The following GNB1L variants were observed in gnomAD, a reference collection of about 807,000 sequenced individuals.
GNB1L encodes G protein subunit beta 1 like.
Under a neutral mutation model 29.1 loss-of-function variants are expected in GNB1L, and 20 were observed. The observed-to-expected ratio is 0.69, with a 90% confidence interval of 0.48 to 1.00. GNB1L has a LOEUF of 1.00. Among genes scored for constraint, GNB1L ranks in the 50% least tolerant of loss-of-function variants. GNB1L has a pLI of 0.00. For missense variants in GNB1L, 421 were observed against 464.9 expected, an observed-to-expected ratio of 0.91 and a Z score of 0.87; for synonymous variants, 193 against 206.5, an observed-to-expected ratio of 0.93 and a Z score of 0.56.
At chr22:19,851,543 G>GTGGCCA in intron 2 of GNB1L, 1 of 1,613,636 alleles carries the variant, frequency 6.2e-7, no homozygotes, top group South Asian at 1.1e-5. Context: ...CACAGCAGGG[G>GTGGCCA]TGGCCATGGC....
rs1298682523 is a variant in GNB1L, at chr22:19,785,864, G to A, written c.*2845C>T. 2 of 152,348 alleles carry A rather than the reference G, an allele frequency of 1.3e-5. No homozygotes were observed. Among genetic ancestry groups the A allele is most frequent in the African/African-American group, 4.8e-5 (2 of 41,458 alleles). 9.4% of individuals were successfully genotyped at this position (152,348 alleles called of 1,614,324 possible). A position where few individuals can be genotyped will look rare whatever the true frequency, so the allele number is the denominator to read the frequency against. ...TCTTCTTCTGTTGTGGGGGTTTCAAGGCTGGTCAGACGCATGGTGATTCAT... is the reference window on the plus strand; with the variant it reads ...TCTTCTTCTGTTGTGGGGGTTTCAAAGCTGGTCAGACGCATGGTGATTCAT... On this transcript the variant is annotated 3_prime_UTR_variant, in exon 8 of 8. Coordinates refer to ENST00000329517, the MANE Select transcript of GNB1L (RefSeq NM_053004.3). This position sits in a 1 kb window ranked among gnomAD's most constrained non-coding sequence, Gnocchi z 4.1.
At chr22:19,815,396 C>T (rs949388383) in intron 4 of GNB1L, among the ~76,000 whole-genome samples, 1 of 152,164 alleles carries the variant, frequency 6.6e-6, no homozygotes, top group Non-Finnish European at 1.5e-5. Flanking sequence ...ACGTGCACAG[C>T]CCCCGTGGCT....
At chr22:19,799,916 C>T (rs995620807) in intron 7 of GNB1L, among the ~76,000 whole-genome samples, 1 of 152,250 alleles carries the variant, frequency 6.6e-6, no homozygotes, top group African/African-American at 2.4e-5. Context: ...GGTGGCGCAT[C>T]AGCCTCTCCG....
intron 6 of GNB1L, among the ~76,000 whole-genome samples, chr22:19,802,802 G>A (rs1409374609): frequency 1.3e-5 from 2 of 152,248 alleles, no homozygotes; most frequent in African/African-American, 2.4e-5. Flanking sequence ...GAAGCCTGGC[G>A]TGAGCCGCCC....
At chr22:19,802,244 C>T (rs926942416) in intron 6 of GNB1L, 28 bp from the exon 7 acceptor site, 1 of 1,574,364 alleles carries the variant, frequency 6.4e-7, no homozygotes, top group Non-Finnish European at 8.7e-7. Context: ...GCAGTCAGCT[C>T]CTGGAAGGAC....
Position 19,847,338 on chromosome 22 carries a change from C to T in GNB1L, c.-21+7105G>A, listed in dbSNP as rs1326554064. The T allele has an allele frequency of 3.0e-6, 3 of 985,336 alleles. No homozygotes were observed. In the African/African-American group the frequency reaches 5.2e-5, roughly 17 times the overall value. 61.0% of individuals were successfully genotyped at this position (985,336 alleles called of 1,614,324 possible). A position where few individuals can be genotyped will look rare whatever the true frequency, so the allele number is the denominator to read the frequency against. On this transcript the variant is annotated intron_variant, in intron 2 of 7. Coordinates refer to ENST00000329517, the MANE Select transcript of GNB1L (RefSeq NM_053004.3). ...CATGCTGACTGATCCTGCAGGGTAA[C>T]AGCTTTATTTGCCTTGCTCCTTTAT...
chr22:19,840,323 G>C (rs569238309), intron 2 of GNB1L, among the ~76,000 whole-genome samples: 5 of 152,304 alleles, frequency 3.3e-5, no homozygotes, highest in African/African-American at 1.2e-4. Flanking sequence ...CCATCAAGGA[G>C]GAGTAGATAA....
At chr22:19,850,762 G>C (rs1005030561) in intron 2 of GNB1L, 7 of 1,249,510 alleles carry the variant, frequency 5.6e-6, no homozygotes, top group Non-Finnish European at 7.0e-6. Flanking sequence ...CAACAGGGCA[G>C]ACGTGGCAGA....
intron 7 of GNB1L, chr22:19,792,404 G>A (rs2145860439): frequency 6.7e-7 from 1 of 1,502,480 alleles, no homozygotes; most frequent in Admixed American, 1.7e-5. Context: ...AAAGGCCTAA[G>A]AATTTTGGCA....
rs1601333351 is a variant in GNB1L, at chr22:19,816,316, T to A, written c.255-3869A>T. On this transcript the variant is annotated intron_variant, in intron 4 of 7. Coordinates refer to ENST00000329517, the MANE Select transcript of GNB1L (RefSeq NM_053004.3). This position sits in a 1 kb window ranked among gnomAD's most constrained non-coding sequence, Gnocchi z 4.4. ...GATCGCCTGGTCAGGACCCATAGTT[T>A]TCAAAGGCTCATCATCCCTAATTCT... 6.6e-6 allele frequency among the ~76,000 whole-genome samples: 1 copy of A among 152,194 alleles called. No individual in the cohort carries two copies. Among genetic ancestry groups the A allele is most frequent in the South Asian group, 2.1e-4 (1 of 4,826 alleles).
intron 2 of GNB1L, among the ~76,000 whole-genome samples, chr22:19,834,775 A>G (rs1844691744): frequency 6.6e-6 from 1 of 152,154 alleles, no homozygotes. Context: ...AGAGGACAGG[A>G]AAGAGGGGAT....
At chr22:19,839,988 G>A (rs956751168) in intron 2 of GNB1L, among the ~76,000 whole-genome samples, 14 of 151,564 alleles carry the variant, frequency 9.2e-5, no homozygotes, top group South Asian at 2.1e-4. Flanking sequence ...ACTTGAGCCC[G>A]TGGAGTTTGA....
At chr22:19,805,677 G>A (rs1329147150) in intron 6 of GNB1L, among the ~76,000 whole-genome samples, 1 of 152,200 alleles carries the variant, frequency 6.6e-6, no homozygotes, top group East Asian at 1.9e-4. Context: ...AGCTACTCAG[G>A]AGGCTGAGGC....
chr22:19,793,441 G>A (rs1014944405), intron 7 of GNB1L, among the ~76,000 whole-genome samples: 10 of 152,282 alleles, frequency 6.6e-5, no homozygotes, highest in African/African-American at 2.4e-4. Flanking sequence ...GCCTCAGGGG[G>A]CCATGGGATG....
intron 5 of GNB1L, among the ~76,000 whole-genome samples, chr22:19,808,123 T>C (rs1601328463): frequency 6.6e-6 from 1 of 152,148 alleles, no homozygotes; most frequent in Non-Finnish European, 1.5e-5. Context: ...GCAGGGCTTC[T>C]GCTCCACTCA....
chr22:19,850,907 G>T, intron 2 of GNB1L: 1 of 1,366,172 alleles, frequency 7.3e-7, no homozygotes, highest in Non-Finnish European at 9.4e-7. Flanking sequence ...GCCTGGGTGA[G>T]ACGGCACTCC....
At chr22:19,833,649 A>G (rs1446675350) in intron 2 of GNB1L, among the ~76,000 whole-genome samples, 1 of 152,178 alleles carries the variant, frequency 6.6e-6, no homozygotes, top group African/African-American at 2.4e-5. Flanking sequence ...GGATCACTTG[A>G]GGTCAGGAGT....
At chr22:19,823,960 G>A (rs895925205) in intron 2 of GNB1L, among the ~76,000 whole-genome samples, 7 of 152,330 alleles carry the variant, frequency 4.6e-5, no homozygotes, top group East Asian at 1.9e-4. Flanking sequence ...GGTGCCAGCC[G>A]AAGCCCGGCC....
chr22:19,844,633 G>T (rs1937922465), intron 2 of GNB1L, among the ~76,000 whole-genome samples: 1 of 152,212 alleles, frequency 6.6e-6, no homozygotes, highest in Non-Finnish European at 1.5e-5. Context: ...GGCAGGCGGG[G>T]TCTCTCTGTG....
Sources: allele counts gnomAD v4.1 joint callset (sites outside exome capture counted in the v4.1 genomes callset), GRCh38; gene constraint gnomAD v4.1.1; non-coding constraint Gnocchi (gnomAD v3.1); transcripts MANE v1.5; gene names NCBI Gene and HGNC (gene_info 2026-07-23, HGNC 2026-07-21).